Variants in SLC24A2 observed in about 807,000 individuals in gnomAD.
The protein encoded by SLC24A2 is solute carrier family 24 member 2.
A neutral mutation model predicts 62.0 loss-of-function variants in SLC24A2; 36 were observed. The observed-to-expected ratio is 0.58, with a 90% CI of 0.44 to 0.77. SLC24A2 has a LOEUF of 0.77. SLC24A2 is among the 30% of genes least tolerant of loss of function. The pLI is 0.00. For missense variants in SLC24A2, 846 were observed against 817.9 expected (o/e 1.03, Z -0.42); for synonymous variants, 358 against 294.0 (o/e 1.22, Z -2.23).
chr9:19,580,429 C>T (rs911907342), intron 5 of SLC24A2, among the ~76,000 whole-genome samples: 12 of 152,346 alleles, frequency 7.9e-5, no homozygotes, highest in Non-Finnish European at 1.3e-4. Context: ...CCACTGGATA[C>T]GCCTGAGATC....
intron 2 of SLC24A2, among the ~76,000 whole-genome samples, chr9:19,652,519 G>A (rs796214535): frequency 2.0e-5 from 3 of 152,130 alleles, no homozygotes; most frequent in African/African-American, 7.2e-5. Context: ...TTGAAGATGG[G>A]GGAATGGGAC....
chr9:20,098,089 T>C, the SLC24A2 span, among the ~76,000 whole-genome samples: 1 of 152,070 alleles, frequency 6.6e-6, no homozygotes, highest in Non-Finnish European at 1.5e-5. Context: ...AAAGTATATA[T>C]AAAGTATAAA....
intron 7 of SLC24A2, among the ~76,000 whole-genome samples, chr9:19,566,043 A>G (rs1379358772): frequency 2.6e-5 from 4 of 152,184 alleles, no homozygotes; most frequent in Non-Finnish European, 4.4e-5. Flanking sequence ...ACCATTCAGG[A>G]CATAGGCATG....
At chr9:20,019,312 A>AAAGAAAGAAAGAAAGT in the SLC24A2 span, among the ~76,000 whole-genome samples, 2 of 141,548 alleles carry the variant, frequency 1.4e-5, no homozygotes, top group South Asian at 2.1e-4. Context: ...AGAAAGAAAG[A>AAAGAAAGAAAGAAAGT]AAGTGAGTGA....
chr9:19,686,634 T>A (rs7863898), intron 2 of SLC24A2, among the ~76,000 whole-genome samples: 1 of 151,992 alleles, frequency 6.6e-6, no homozygotes, highest in African/African-American at 2.4e-5. Flanking sequence ...AGGGGCTTTC[T>A]TCCCTTTGCT....
At chr9:20,261,420 A>C in the SLC24A2 span, among the ~76,000 whole-genome samples, 2 of 152,186 alleles carry the variant, frequency 1.3e-5, no homozygotes, top group Non-Finnish European at 2.9e-5. Context: ...GCCAGCAAGC[A>C]TGTGTAAAAA....
At chr9:19,602,263 T>C (rs559074306) in intron 4 of SLC24A2, among the ~76,000 whole-genome samples, 1 of 152,304 alleles carries the variant, frequency 6.6e-6, no homozygotes, top group Admixed American at 6.5e-5. Context: ...TTGGAAGTGC[T>C]CAAGCTCATA....
the SLC24A2 span, among the ~76,000 whole-genome samples, chr9:19,856,070 A>T: frequency 6.6e-6 from 1 of 151,964 alleles, no homozygotes; most frequent in African/African-American, 2.4e-5. Flanking sequence ...TGTTTGGTCT[A>T]TGTGGCTATC....
intron 2 of SLC24A2, among the ~76,000 whole-genome samples, chr9:19,663,492 T>G (rs946731022): frequency 6.6e-6 from 1 of 152,042 alleles, no homozygotes; most frequent in Non-Finnish European, 1.5e-5. Flanking sequence ...CTGTGAACGG[T>G]AGTGACAGAA....
rs555659723 is a variant in SLC24A2, at chr9:19,686,716, T to G, written c.931-64417A>C. On this transcript the variant is annotated intron_variant, in intron 2 of 10. Transcript: ENST00000341998. ...TCCTCTTCCACCATGATTATAAGTT[T>G]TCCAAGGCCTCCCCAGCCATGCTGA... Among the ~76,000 whole-genome samples, 3 of 152,270 alleles carry G rather than the reference T, an allele frequency of 2.0e-5. No individual in the cohort carries two copies. In the South Asian group the frequency reaches 6.2e-4, roughly 32 times the overall value.
intron 8 of SLC24A2, among the ~76,000 whole-genome samples, chr9:19,549,492 T>C (rs1834737568): frequency 6.6e-6 from 1 of 152,240 alleles, no homozygotes; most frequent in African/African-American, 2.4e-5. Context: ...TTCTGCCTTC[T>C]GTCACTGCAA....
chr9:19,980,927 C>T, the SLC24A2 span, among the ~76,000 whole-genome samples: 1 of 152,168 alleles, frequency 6.6e-6, no homozygotes, highest in African/African-American at 2.4e-5. Context: ...CTTGTATTCC[C>T]ATCCCAAAAT....
At chr9:19,529,540 C>A (rs1418827996) in intron 8 of SLC24A2, among the ~76,000 whole-genome samples, 1 of 152,050 alleles carries the variant, frequency 6.6e-6, no homozygotes, top group Non-Finnish European at 1.5e-5. Flanking sequence ...ACTGTAAGAC[C>A]AAGCAGGTTT....
the SLC24A2 span, among the ~76,000 whole-genome samples, chr9:20,276,251 C>T: frequency 6.6e-6 from 1 of 152,188 alleles, no homozygotes; most frequent in Non-Finnish European, 1.5e-5. Context: ...AATGGGGATA[C>T]AGGCTTTGGG....
the SLC24A2 span, among the ~76,000 whole-genome samples, chr9:20,238,560 T>C: frequency 6.6e-6 from 1 of 152,180 alleles, no homozygotes; most frequent in Admixed American, 6.5e-5. Context: ...ATGCTTTAAA[T>C]GGGGCCTGGG....
chr9:20,219,940 G>C, the SLC24A2 span, among the ~76,000 whole-genome samples: 1 of 152,088 alleles, frequency 6.6e-6, no homozygotes, highest in Admixed American at 6.5e-5. Context: ...TCGAGCTTTG[G>C]AGAGTCTATC....
intron 8 of SLC24A2, among the ~76,000 whole-genome samples, chr9:19,549,052 T>G (rs1369555226): frequency 6.6e-6 from 1 of 152,200 alleles, no homozygotes; most frequent in Admixed American, 6.5e-5. Context: ...AGTGGGTGGG[T>G]GTATTCTCTT....
chr9:20,215,891 C>T, the SLC24A2 span, among the ~76,000 whole-genome samples: 10 of 152,190 alleles, frequency 6.6e-5, no homozygotes, highest in Non-Finnish European at 1.2e-4. Context: ...AGAAAGCATG[C>T]AAGCGTCTCA....
At chr9:19,526,642 G>A (rs550757140) in intron 9 of SLC24A2, among the ~76,000 whole-genome samples, 16 of 152,192 alleles carry the variant, frequency 1.1e-4, no homozygotes, top group Middle Eastern at 3.4e-3. Context: ...AGCCATCTGC[G>A]TATTTTCTTT....
Sources: allele counts gnomAD v4.1 joint callset (sites outside exome capture counted in the v4.1 genomes callset), GRCh38; gene constraint gnomAD v4.1.1; transcripts MANE v1.5; gene names NCBI Gene and HGNC (gene_info 2026-07-23, HGNC 2026-07-21).